Variants in CACNA2D3 observed in about 807,000 individuals in gnomAD.
CACNA2D3 encodes voltage-dependent calcium channel subunit alpha-2/delta-3.
Under a neutral mutation model 160.6 loss-of-function variants are expected in CACNA2D3, and 60 were observed. The observed-to-expected ratio is 0.37, with a 90% confidence interval of 0.30 to 0.46. The LOEUF (loss-of-function observed/expected upper bound fraction) is 0.46. Among genes scored for constraint, CACNA2D3 ranks in the 20% least tolerant of loss-of-function variants. CACNA2D3 has a pLI of 1.00. For synonymous variants in CACNA2D3, 558 were observed against 492.9 expected, an observed-to-expected ratio of 1.13 and a Z score of -1.75; for missense variants, 1,205 against 1,365.0, an observed-to-expected ratio of 0.88 and a Z score of 1.85.
intron 5 of CACNA2D3, among the ~76,000 whole-genome samples, chr3:54,525,578 T>G (rs1241526685): frequency 6.6e-6 from 1 of 152,194 alleles, no homozygotes; most frequent in East Asian, 1.9e-4. Context: ...TTTTAAAAAA[T>G]AGCTATGCTG....
At chr3:54,695,994 TTTCTACATCTTA>T (rs1331572083) in intron 11 of CACNA2D3, among the ~76,000 whole-genome samples, 2 of 152,184 alleles carry the variant, frequency 1.3e-5, no homozygotes, top group Non-Finnish European at 2.9e-5. Flanking sequence ...TTTTCCCTTC[TTTCTACATCTTA>T]TTCTCATCTG....
chr3:54,331,665 C>A (rs1404429192), intron 3 of CACNA2D3, among the ~76,000 whole-genome samples: 2 of 152,106 alleles, frequency 1.3e-5, no homozygotes, highest in Non-Finnish European at 2.9e-5. Flanking sequence ...AAAGACCATT[C>A]AAAGGATTTA....
intron 3 of CACNA2D3, among the ~76,000 whole-genome samples, chr3:54,324,709 A>G (rs1394330144): frequency 1.3e-5 from 2 of 152,112 alleles, no homozygotes; most frequent in African/African-American, 2.4e-5. Flanking sequence ...GCCCTCAATT[A>G]ATATTGCTAA....
intron 35 of CACNA2D3, among the ~76,000 whole-genome samples, chr3:55,025,407 G>A (rs911490395): frequency 1.8e-4 from 28 of 152,056 alleles, no homozygotes; most frequent in Admixed American, 4.6e-4. Context: ...TGAGGCAGGC[G>A]TATCACTTGA....
chr3:54,289,803 G>C (rs1379743118), intron 2 of CACNA2D3, among the ~76,000 whole-genome samples: 2 of 151,996 alleles, frequency 1.3e-5, no homozygotes, highest in Non-Finnish European at 2.9e-5. Context: ...AACAAGTAAT[G>C]GGGAAAGGAT....
Position 54,771,782 on chromosome 3 carries a change from TTA to T in CACNA2D3, c.1380+7432_1380+7433del, listed in dbSNP as rs574109289. 8.2e-3 allele frequency among the ~76,000 whole-genome samples: 1,251 copies of T among 152,212 alleles called. 15 individuals are homozygous for T. Among genetic ancestry groups the T allele is most frequent in the African/African-American group, 0.028 (1,163 of 41,520 alleles). On this transcript the variant is annotated intron_variant, in intron 13 of 37. Transcript: ENST00000474759. Reference sequence around the variant, plus strand: ...ATTATACCAGGGATATCCCATCAGCTTACACTCAAGGAGAGGGAATTTGATGG... The same window carrying T: ...ATTATACCAGGGATATCCCATCAGCTCACTCAAGGAGAGGGAATTTGATGG...
At chr3:55,005,041 C>G (rs368340477) in intron 32 of CACNA2D3, among the ~76,000 whole-genome samples, 1 of 151,514 alleles carries the variant, frequency 6.6e-6, no homozygotes, top group Admixed American at 6.6e-5. Flanking sequence ...TTTGGGAGGC[C>G]GAGGTGGCTG....
chr3:54,924,334 C>T (rs777524110), intron 27 of CACNA2D3, among the ~76,000 whole-genome samples: 40 of 152,150 alleles, frequency 2.6e-4, no homozygotes, highest in Non-Finnish European at 4.9e-4. Context: ...GAATGTCCTC[C>T]TTCTTAATAG....
intron 4 of CACNA2D3, among the ~76,000 whole-genome samples, chr3:54,435,929 G>C (rs2106783375): frequency 6.6e-6 from 1 of 152,210 alleles, no homozygotes; most frequent in South Asian, 2.1e-4. Flanking sequence ...GAAAAATACA[G>C]TCACCAAAAT....
intron 10 of CACNA2D3, among the ~76,000 whole-genome samples, chr3:54,641,001 A>G (rs1699506077): frequency 6.6e-6 from 1 of 151,050 alleles, no homozygotes; most frequent in South Asian, 2.1e-4. Context: ...CCTCTTGTGT[A>G]TTTTTTGAAA....
At chr3:54,740,780 G>A (rs1701633480) in intron 11 of CACNA2D3, among the ~76,000 whole-genome samples, 2 of 152,310 alleles carry the variant, frequency 1.3e-5, no homozygotes, top group South Asian at 4.1e-4. Context: ...TGACAGGGAG[G>A]ATGGGTTGGG....
intron 10 of CACNA2D3, 37 bp from the exon 11 acceptor site, chr3:54,642,091 G>C (rs1297435246): frequency 7.5e-7 from 1 of 1,341,468 alleles, no homozygotes; most frequent in African/African-American, 1.5e-5. Flanking sequence ...AGAATTCTCT[G>C]ATATGTATAC....
intron 11 of CACNA2D3, among the ~76,000 whole-genome samples, chr3:54,733,879 C>A (rs958509734): frequency 6.6e-6 from 1 of 151,948 alleles, no homozygotes; most frequent in Non-Finnish European, 1.5e-5. Flanking sequence ...TCAGTGAACA[C>A]GTAGCCCAAG....
chr3:54,879,467 C>T, intron 20 of CACNA2D3, 56 bp downstream of exon 20: 1 of 1,272,676 alleles, frequency 7.9e-7, no homozygotes, highest in Non-Finnish European at 1.1e-6. Flanking sequence ...TGTGTTTGTA[C>T]AAAACCTGCT....
intron 31 of CACNA2D3, among the ~76,000 whole-genome samples, chr3:54,999,334 C>G (rs928203962): frequency 1.2e-4 from 18 of 152,198 alleles, no homozygotes; most frequent in African/African-American, 4.3e-4. Context: ...GCGACGGTCT[C>G]TTTGTTAAGA....
intron 2 of CACNA2D3, among the ~76,000 whole-genome samples, chr3:54,287,037 A>G (rs1703047377): frequency 6.6e-6 from 1 of 152,062 alleles, no homozygotes. Context: ...CAAAATCACC[A>G]GCTAACATCA....
Position 54,385,705 on chromosome 3 carries a change from C to A in CACNA2D3, c.322-1010C>A, listed in dbSNP as rs147036725. The stretch of plus-strand genomic sequence containing the variant: ...TAATAATTATTCATGGGACATTTGT[C>A]CATCAATTTGTGACCGTTTAGAGAT... On this transcript the variant is annotated intron_variant, in intron 3 of 37. Coordinates refer to ENST00000474759, the MANE Select transcript of CACNA2D3 (RefSeq NM_018398.3). Among the ~76,000 whole-genome samples the A allele has an allele frequency of 5.7e-3, 875 of 152,252 alleles. 4 individuals carry two copies. Among genetic ancestry groups the A allele is most frequent in the African/African-American group, 0.02 (811 of 41,532 alleles).
rs953774353 is a variant in CACNA2D3 at position 54,122,624 on chromosome 3, G to A, written c.-90G>A. Reference sequence around the variant, plus strand: ...GGGGCGGCGCGGAGCGGAGCAGGCAGCCCCGCGCGCTCGCCCACCGCCCGC... The same window carrying A: ...GGGGCGGCGCGGAGCGGAGCAGGCAACCCCGCGCGCTCGCCCACCGCCCGC... On this transcript the variant is annotated 5_prime_UTR_variant, in exon 1 of 38. Transcript: ENST00000474759. The A allele has an allele frequency of 2.1e-5, 18 of 863,010 alleles. No homozygotes were observed. The highest frequency in any genetic ancestry group is 5.9e-4 in the Middle Eastern group (1 of 1,706). 53.5% of individuals were successfully genotyped at this position (863,010 alleles called of 1,614,324 possible).
intron 6 of CACNA2D3, 88 bp downstream of exon 6, chr3:54,563,019 T>G (rs1209911494): frequency 2.4e-6 from 3 of 1,250,590 alleles, no homozygotes; most frequent in Non-Finnish European, 3.3e-6. Context: ...GTTAAAACTT[T>G]TCTGCCTTTT....
Sources: gnomAD v4.1 joint callset for allele counts (sites outside exome capture counted in the v4.1 genomes callset) on GRCh38, gnomAD v4.1.1 for gene constraint, MANE v1.5 for transcripts, NCBI Gene and HGNC (gene_info 2026-07-23, HGNC 2026-07-21) for gene names.